MDN1: variants seen among roughly 807,000 people sequenced by gnomAD.
MDN1 encodes the protein midasin AAA ATPase 1.
Under a neutral mutation model 669.2 loss-of-function variants are expected in MDN1, and 266 were observed. The ratio of observed to expected loss-of-function variants is 0.40; its 90% CI spans 0.36 to 0.44. MDN1 has a LOEUF of 0.44. Ranked by LOEUF, MDN1 falls within the 20% of genes least tolerant of loss-of-function variation. MDN1 has a pLI of 1.00. For synonymous variants in MDN1, 2,385 were observed against 2,457.1 expected (o/e 0.97, Z 0.87); for missense variants, 5,940 against 6,754.0 (o/e 0.88, Z 4.22).
chr6:89,728,378 T>C (rs927508569), intron 36 of MDN1, among the ~76,000 whole-genome samples: 30 of 152,244 alleles, frequency 2.0e-4, no homozygotes, highest in African/African-American at 7.0e-4. Flanking sequence ...ACTGGGGTTA[T>C]ATTACAATAA....
Position 89,645,019 on chromosome 6 carries a change from G to T in MDN1, c.16598C>A (p.Ser5533Ter). The stretch of plus-strand genomic sequence containing the variant: ...TGGCTTTTAGTAGTCACTCACCCGT[G>T]AACTGGGATTGTCCAATACAACAAA... ...VIFVVLDNPSSRDSILDIKVP... is the reference protein window; with the variant it reads ...VIFVVLDNPS Residue 5533 changes from serine (S) to a stop codon, truncating the protein, a stop_gained, in exon 101 of 102, where the codon TCA becomes TAA. Coordinates refer to ENST00000369393, the MANE Select transcript of MDN1 (RefSeq NM_014611.3). LOFTEE classifies it high-confidence loss of function. 4 of 1,588,806 alleles carry T rather than the reference G, an allele frequency of 2.5e-6. No homozygotes were observed. Among genetic ancestry groups the T allele is most frequent in the South Asian group, 1.1e-5 (1 of 90,266 alleles).
chr6:89,685,696 G>T, intron 70 of MDN1, 131 bp downstream of exon 70: 5 of 958,220 alleles, frequency 5.2e-6, no homozygotes, highest in Non-Finnish European at 6.1e-6. Context: ...AATGTGAATC[G>T]CATTAAACAT....
intron 13 of MDN1, among the ~76,000 whole-genome samples, chr6:89,774,303 T>C (rs1024941894): frequency 6.6e-6 from 1 of 152,228 alleles, no homozygotes; most frequent in African/African-American, 2.4e-5. Context: ...CCCAGCCTTC[T>C]AGGAATTTAC....
chr6:89,808,660 A>C (rs549629650), intron 1 of MDN1, among the ~76,000 whole-genome samples: 103 of 151,826 alleles, frequency 6.8e-4, no homozygotes, highest in African/African-American at 2.3e-3. Context: ...TACCGCCCCA[A>C]CTCTGAGCTC....
chr6:89,694,125 C>G lies in MDN1; in HGVS notation c.9830G>C (p.Gly3277Ala), dbSNP rs1404827838. The G allele has an allele frequency of 3.1e-6, 5 of 1,614,184 alleles. No homozygotes were observed. The highest frequency in any genetic ancestry group is 3.4e-6 in the Non-Finnish European group (4 of 1,180,046). Reference protein sequence around the residue: ...TRNLSSQLQTGRDLEDEVVVS... With the variant: ...TRNLSSQLQTARDLEDEVVVS... ...AACGACTTCATCTTCCAGGTCTCTT[C>G]CAGTCTGCAGCTGGGATGACAGGTT... The change falls in exon 62 of 102, where the codon GGA becomes GCA. Residue 3277 changes from glycine (G) to alanine (A), a missense_variant. Physicochemically the swap from Gly to Ala is moderately conservative, Grantham distance 60. This residue lies in a region of MDN1 where 2,292 missense variants were observed against 2,638.3 expected (regional missense o/e 0.87). Coordinates refer to ENST00000369393, the MANE Select transcript of MDN1 (RefSeq NM_014611.3).
chr6:89,809,215 C>CAAAAA (rs1167270500), intron 1 of MDN1, among the ~76,000 whole-genome samples: 13 of 59,280 alleles, frequency 2.2e-4, no homozygotes, highest in African/African-American at 3.4e-4. Context: ...GACACTGTCT[C>CAAAAA]AAAAAAAAAA....
At chr6:89,718,707 C>A (rs952639443) in intron 42 of MDN1, 60 bp downstream of exon 42, 6 of 1,608,426 alleles carry the variant, frequency 3.7e-6, no homozygotes, top group Non-Finnish European at 5.1e-6. Flanking sequence ...TCAGAAGACT[C>A]TCAGTCAGAC....
intron 31 of MDN1, among the ~76,000 whole-genome samples, chr6:89,742,304 C>G (rs1816335330): frequency 6.6e-6 from 1 of 151,822 alleles, no homozygotes; most frequent in African/African-American, 2.4e-5. Flanking sequence ...CCCAGCTACT[C>G]AAGAAGCTGA....
At chr6:89,775,550 A>G (rs1471998183) in intron 12 of MDN1, among the ~76,000 whole-genome samples, 3 of 152,208 alleles carry the variant, frequency 2.0e-5, no homozygotes, top group African/African-American at 7.2e-5. Context: ...CACTGCTGAA[A>G]GGATCCCTCC....
intron 76 of MDN1, 112 bp downstream of exon 76, chr6:89,677,458 G>T: frequency 7.4e-7 from 1 of 1,350,250 alleles, no homozygotes; most frequent in Non-Finnish European, 1.0e-6. Flanking sequence ...GTAAGTGGTA[G>T]CCACAGTGGT....
At chr6:89,732,436 G>T in intron 34 of MDN1, 121 bp downstream of exon 34, 1 of 829,110 alleles carries the variant, frequency 1.2e-6, no homozygotes, top group Non-Finnish European at 1.9e-6. Context: ...GCCATTCTGA[G>T]TTTTAGAAAT....
Position 89,747,361 on chromosome 6 carries a change from T to G in MDN1, c.3872A>C (p.Glu1291Ala). 1 of 1,614,088 alleles carries G rather than the reference T, an allele frequency of 6.2e-7. No individual in the cohort carries two copies. Among genetic ancestry groups the G allele is most frequent in the Non-Finnish European group, 8.5e-7 (1 of 1,180,020 alleles). The change falls in exon 27 of 102, where the codon GAG (glutamate) becomes GCG (alanine). Residue 1291 changes from glutamate to alanine, a missense_variant. Glu to Ala is a moderately radical substitution (Grantham distance 107). This residue lies in a region of MDN1 where 2,292 missense variants were observed against 2,638.3 expected (regional missense o/e 0.87). Coordinates refer to ENST00000369393, the MANE Select transcript of MDN1 (RefSeq NM_014611.3). ...GGCTAAATGCTGTAGCCAGTCATAC[T>G]CCTTCTCGGTCGGCTCAGCCAATCT... ...RYRLAEPTEKEYDWLQHLAND... is the reference protein window; with the variant it reads ...RYRLAEPTEKAYDWLQHLAND...
At chr6:89,725,048 T>A in intron 38 of MDN1, 151 bp downstream of exon 38, 1 of 679,970 alleles carries the variant, frequency 1.5e-6, no homozygotes. Context: ...TGGGAATCAG[T>A]CACATTAATA....
At chr6:89,712,892 TA>T (rs1814049504) in intron 47 of MDN1, 106 bp from the exon 48 acceptor site, 2 of 1,005,108 alleles carry the variant, frequency 2.0e-6, no homozygotes, top group East Asian at 2.6e-5. Context: ...CAACAACTTT[TA>T]ATACACTCTT....
chr6:89,674,407 C>T lies in MDN1; in HGVS notation c.12944G>A (p.Gly4315Glu). 6.2e-7 allele frequency: 1 copy of T among 1,614,166 alleles called. No individual in the cohort carries two copies. The highest frequency in any genetic ancestry group is 8.5e-7 in the Non-Finnish European group (1 of 1,180,026). Residue 4315 changes from glycine to glutamate, a missense_variant, in exon 79 of 102, where the codon GGG becomes GAG. Around this residue, in one of 5 missense-constraint regions of MDN1, gnomAD observed 2,280 missense variants for 2,576.3 expected, o/e 0.88. Transcript: ENST00000369393. ...SWLLQCCPSV[G>E]PAPGHGNVQV... ...GACATTGCCATGGCCTGGAGCTGGC[C>T]CTACACTGGGGCAGCACTGGAGGAG...
intron 1 of MDN1, among the ~76,000 whole-genome samples, chr6:89,816,948 A>G (rs939630388): frequency 6.6e-6 from 1 of 151,134 alleles, no homozygotes; most frequent in Admixed American, 6.6e-5. Context: ...TGCTGGGATT[A>G]CAGGCGCGTG....
rs1320923903 is a variant in MDN1 at position 89,676,138 on chromosome 6, A to G, written c.12609T>C (p.His4203=). Reference sequence around the variant, plus strand: ...TTGCTAGTGCTGCGTTAAGCCTGGCATGCCGTGCAAGAGAGCGATAAAAAT... The same window carrying G: ...TTGCTAGTGCTGCGTTAAGCCTGGCGTGCCGTGCAAGAGAGCGATAAAAAT... ...QKYFYRSLAR[H]ARLNAALATP... Residue 4203 remains histidine, a synonymous_variant, in exon 77 of 102, where the codon CAT becomes CAC. Coordinates refer to ENST00000369393, the MANE Select transcript of MDN1 (RefSeq NM_014611.3). 1 of 1,614,258 alleles carries G rather than the reference A, an allele frequency of 6.2e-7. No individual in the cohort carries two copies. Among genetic ancestry groups the G allele is most frequent in the Non-Finnish European group, 8.5e-7 (1 of 1,180,044 alleles).
At chr6:89,649,477 C>T (rs776207443) in intron 97 of MDN1, among the ~76,000 whole-genome samples, 4 of 152,154 alleles carry the variant, frequency 2.6e-5, no homozygotes, top group Non-Finnish European at 5.9e-5. Context: ...GCATCACTGC[C>T]CAAAACAAAC....
rs1812428681 is a variant in MDN1 at position 89,692,381 on chromosome 6, C to G, written c.10587+62G>C. ...GCATGCTAATGTCCTGCAGGCCGCC[C>G]TGCTGTGAACCTGGCTCTCTGCAGG... On this transcript the variant is annotated intron_variant, in intron 63 of 101. Coordinates refer to ENST00000369393, the MANE Select transcript of MDN1 (RefSeq NM_014611.3). The G allele has an allele frequency of 2.0e-6, 3 of 1,473,810 alleles. No homozygotes were observed. The South Asian group carries it at 3.9e-5, about 19-fold the overall frequency. The allele number at this position is 1,473,810 out of a possible 1,614,324, so 91.3% of individuals were successfully genotyped here.
Sources: gnomAD v4.1 joint callset for allele counts (sites outside exome capture counted in the v4.1 genomes callset) on GRCh38, gnomAD v4.1.1 for gene constraint, gnomAD v4.1.1 regional missense constraint, MANE v1.5 for transcripts, NCBI Gene and HGNC (gene_info 2026-07-23, HGNC 2026-07-21) for gene names.